The following CYRIB variants were observed in gnomAD, a reference collection of about 807,000 sequenced individuals.
CYRIB encodes the protein CYFIP-related Rac1 interactor B.
In CYRIB, 8 loss-of-function variants were observed where a neutral mutation model predicts 44.2. The ratio of observed to expected loss-of-function variants is 0.18; its 90% CI spans 0.11 to 0.33. The LOEUF (loss-of-function observed/expected upper bound fraction) is 0.33. CYRIB is among the 10% of genes least tolerant of loss of function. The probability of loss-of-function intolerance (pLI) is 1.00; values close to 1 mark genes in which losing one functional copy is unlikely to be tolerated. For missense variants in CYRIB, 185 were observed against 382.8 expected (o/e 0.48, Z 4.31); for synonymous variants, 131 against 127.2 (o/e 1.03, Z -0.20).
rs191775332 is a variant in CYRIB, at chr8:129,914,461, A to T, written c.-49-11111T>A. On this transcript the variant is annotated intron_variant, in intron 1 of 11. Coordinates refer to ENST00000519824, the Ensembl canonical transcript of CYRIB. ...GGAACTTTTACATATACTTCTTGAT[A>T]TTCACAATGTAATGGATAAAATGTT... Among the ~76,000 whole-genome samples, 239 of 152,300 alleles carry T rather than the reference A, an allele frequency of 1.6e-3. 1 individual carries two copies. Among genetic ancestry groups the T allele is most frequent in the Admixed American group, 4.4e-3 (67 of 15,294 alleles).
At chr8:129,924,052 C>T (rs1380716412) in intron 1 of CYRIB, among the ~76,000 whole-genome samples, 2 of 147,540 alleles carry the variant, frequency 1.4e-5, no homozygotes, top group African/African-American at 2.5e-5. Flanking sequence ...AGGAGAACTG[C>T]CTGAGCCTAG....
At chr8:129,923,787 A>C (rs1220646835) in intron 1 of CYRIB, among the ~76,000 whole-genome samples, 3 of 151,678 alleles carry the variant, frequency 2.0e-5, no homozygotes, top group Non-Finnish European at 2.9e-5. Flanking sequence ...ATTTTGAAGA[A>C]GTAAAACATG....
intron 2 of CYRIB, among the ~76,000 whole-genome samples, chr8:129,954,185 A>T (rs1161301272): frequency 6.6e-6 from 1 of 152,092 alleles, no homozygotes; most frequent in African/African-American, 2.4e-5. Flanking sequence ...CTTGGAGAAA[A>T]TGTCTATAGT....
intron 2 of CYRIB, among the ~76,000 whole-genome samples, chr8:129,945,883 A>T (rs2094109224): frequency 6.6e-6 from 1 of 152,138 alleles, no homozygotes; most frequent in South Asian, 2.1e-4. Context: ...TTCTGACCAA[A>T]CCCACTGGGT....
chr8:129,864,074 T>C (rs1015941259), intron 4 of CYRIB, among the ~76,000 whole-genome samples: 1 of 152,210 alleles, frequency 6.6e-6, no homozygotes, highest in Non-Finnish European at 1.5e-5. Flanking sequence ...TCTGAACAAA[T>C]TAGCTGCAAA....
intron 2 of CYRIB, chr8:129,948,091 A>C (rs1156499195): frequency 6.6e-6 from 1 of 152,208 alleles, no homozygotes; most frequent in South Asian, 2.1e-4. Context: ...ACCTGGAGTT[A>C]TTAGAGTCCT....
intron 3 of CYRIB, among the ~76,000 whole-genome samples, chr8:129,875,268 GC>G (rs1447222273): frequency 6.7e-6 from 1 of 149,978 alleles, no homozygotes; most frequent in African/African-American, 2.5e-5. Context: ...CCCATTCAGT[GC>G]TTTTTTTTTT....
At chr8:129,858,758 C>T (rs1284812665) in intron 5 of CYRIB, among the ~76,000 whole-genome samples, 1 of 152,054 alleles carries the variant, frequency 6.6e-6, no homozygotes, top group Non-Finnish European at 1.5e-5. Context: ...TAATGTAAGC[C>T]CCTAAAGCAT....
exon 12 of CYRIB, chr8:129,840,657 C>T (rs1412024087): frequency 6.6e-6 from 1 of 152,164 alleles, no homozygotes; most frequent in Non-Finnish European, 1.5e-5. Flanking sequence ...TAGAGGGTCA[C>T]AAGGGGAGGA....
chr8:129,934,535 T>C (rs2138703865), intron 1 of CYRIB, among the ~76,000 whole-genome samples: 1 of 152,324 alleles, frequency 6.6e-6, no homozygotes, highest in African/African-American at 2.4e-5. Flanking sequence ...ACTGTTTCAG[T>C]ACTGAGTGGT....
intron 1 of CYRIB, among the ~76,000 whole-genome samples, chr8:130,001,565 G>A (rs1592208627): frequency 8.8e-6 from 1 of 114,216 alleles, no homozygotes. Flanking sequence ...GTCTCACTCT[G>A]TCACCCAGGC....
chr8:129,972,299 G>A (rs1476490742), intron 1 of CYRIB, among the ~76,000 whole-genome samples: 1 of 152,172 alleles, frequency 6.6e-6, no homozygotes, highest in Non-Finnish European at 1.5e-5. Flanking sequence ...GCCAAGAAGA[G>A]GATTTAAGAA....
intron 5 of CYRIB, among the ~76,000 whole-genome samples, chr8:129,857,198 A>C (rs1044231913): frequency 1.3e-5 from 2 of 152,200 alleles, no homozygotes; most frequent in Non-Finnish European, 2.9e-5. Context: ...CCCTGTGCCC[A>C]TATGGAGCCT....
intron 1 of CYRIB, among the ~76,000 whole-genome samples, chr8:129,924,050 T>G (rs188898676): frequency 3.4e-5 from 5 of 147,250 alleles, no homozygotes; most frequent in Middle Eastern, 3.4e-3. Flanking sequence ...GCAGGAGAAC[T>G]GCCTGAGCCT....
chr8:129,944,376 G>C (rs770869670), upstream of CYRIB, among the ~76,000 whole-genome samples: 1 of 152,164 alleles, frequency 6.6e-6, no homozygotes, highest in East Asian at 1.9e-4. Flanking sequence ...TGGGGTTGTC[G>C]GGATGACCCA....
At chr8:129,850,643 T>C in intron 9 of CYRIB, 192 bp downstream of exon 11, 1 of 592,238 alleles carries the variant, frequency 1.7e-6, no homozygotes, top group Non-Finnish European at 3.0e-6. Flanking sequence ...CTCTATTTTA[T>C]ACTTAACCAG....
At chr8:129,852,089 G>C (rs558221680) in intron 8 of CYRIB, 73 bp downstream of exon 10, 28 of 873,132 alleles carry the variant, frequency 3.2e-5, no homozygotes, top group Admixed American at 2.0e-4. Context: ...TTAATGTCTT[G>C]GGCTTGCTGA....
intron 1 of CYRIB, among the ~76,000 whole-genome samples, chr8:129,986,641 G>A (rs920619167): frequency 5.9e-5 from 9 of 152,252 alleles, no homozygotes; most frequent in African/African-American, 1.9e-4. Context: ...ACCATGTGAT[G>A]CTCTGCACAG....
intron 2 of CYRIB, among the ~76,000 whole-genome samples, chr8:129,968,382 T>C (rs1242045864): frequency 6.6e-6 from 1 of 152,252 alleles, no homozygotes; most frequent in Non-Finnish European, 1.5e-5. Flanking sequence ...ACATTTTTTA[T>C]ATCATCCTTA....
Sources: gnomAD v4.1 joint callset for allele counts (sites outside exome capture counted in the v4.1 genomes callset) on GRCh38, gnomAD v4.1.1 for gene constraint, MANE v1.5 for transcripts, NCBI Gene and HGNC (gene_info 2026-07-23, HGNC 2026-07-21) for gene names.